PRAG1: variants seen among roughly 807,000 people sequenced by gnomAD.
The protein encoded by PRAG1 is PEAK1 related, kinase-activating pseudokinase 1.
In PRAG1, 110 loss-of-function variants were observed where a neutral mutation model predicts 95.6. That is an observed-to-expected ratio of 1.15 (90% CI 0.99 to 1.35). The LOEUF is 1.35. Ranked by LOEUF, PRAG1 falls within the 40% of genes most tolerant of loss-of-function variation. The probability of loss-of-function intolerance (pLI) is 0.00; values close to 1 mark genes in which losing one functional copy is unlikely to be tolerated. For missense variants in PRAG1, 2,554 were observed against 1,864.7 expected, an observed-to-expected ratio of 1.37 and a Z score of -6.81; for synonymous variants, 1,052 against 819.4, an observed-to-expected ratio of 1.28 and a Z score of -4.85.
At position 8,365,451 on chromosome 8, in the gene PRAG1, C is replaced by T. The variant is rs540618524; in HGVS notation, c.2162+10796G>A. ...CCACCTGACCGACATGGAGAAACCC[C>T]GTCTCTACTAAAAATACAAAAAATT... On this transcript the variant is annotated intron_variant, in intron 3 of 5. Coordinates refer to ENST00000615670, the MANE Select transcript of PRAG1 (RefSeq NM_001080826.3). 2.0e-3 allele frequency among the ~76,000 whole-genome samples: 295 copies of T among 151,220 alleles called. 1 individual carries two copies. Among genetic ancestry groups the T allele is most frequent in the Non-Finnish European group, 3.0e-3 (201 of 67,838 alleles).
At chr8:8,381,932 G>A in intron 1 of PRAG1, 98 bp from the exon 2 acceptor site, 1 of 543,836 alleles carries the variant, frequency 1.8e-6, no homozygotes. Context: ...GGAGAAGGAG[G>A]AGAAAAAGGT....
At chr8:8,325,380 T>A (rs558805303) in intron 5 of PRAG1, among the ~76,000 whole-genome samples, 1 of 152,204 alleles carries the variant, frequency 6.6e-6, no homozygotes, top group South Asian at 2.1e-4. Flanking sequence ...AGCTACCACG[T>A]CTCCAGGAAA....
In PRAG1 at chr8:8,351,621, G is replaced by T. The variant is rs189181661; in HGVS notation, c.2163-11986C>A. Among the ~76,000 whole-genome samples, 3 of 152,260 alleles carry T rather than the reference G, an allele frequency of 2.0e-5. No homozygotes were observed. In the East Asian group the frequency reaches 5.8e-4, roughly 29 times the overall value. On this transcript the variant is annotated intron_variant, in intron 3 of 5. Coordinates refer to ENST00000615670, the MANE Select transcript of PRAG1 (RefSeq NM_001080826.3). ...TTGTCCATTGACCAGACCTCATTTTGAATTTGTGTGTTCAAGAACTAGATA... is the reference window on the plus strand; with the variant it reads ...TTGTCCATTGACCAGACCTCATTTTTAATTTGTGTGTTCAAGAACTAGATA...
chr8:8,372,663 G>A (rs1408380128), intron 3 of PRAG1, among the ~76,000 whole-genome samples: 1 of 152,320 alleles, frequency 6.6e-6, no homozygotes, highest in Middle Eastern at 3.4e-3. Flanking sequence ...GGGCACTCCA[G>A]CAAGAGGTTT....
In PRAG1 at chr8:8,376,798, C is replaced by G. The variant is rs1403214873; in HGVS notation, c.1611G>C (p.Lys537Asn). 2 of 1,611,340 alleles carry G rather than the reference C, an allele frequency of 1.2e-6. No individual in the cohort carries two copies. The highest frequency in any genetic ancestry group is 3.3e-5 in the Admixed American group (2 of 60,008). Residue 537 changes from lysine (K) to asparagine (N), a missense_variant, in exon 3 of 6, where the codon AAG becomes AAC. Coordinates refer to ENST00000615670, the MANE Select transcript of PRAG1 (RefSeq NM_001080826.3). ...ESHAHSASES[K>N]PKERPAIPPK... ...GGGGAATGGCGGGCCTCTCCTTGGGCTTGCTCTCGCTGGCACTGTGAGCAT... is the reference window on the plus strand; with the variant it reads ...GGGGAATGGCGGGCCTCTCCTTGGGGTTGCTCTCGCTGGCACTGTGAGCAT...
chr8:8,374,672 A>C (rs1800320209), intron 3 of PRAG1: 1 of 985,424 alleles, frequency 1.0e-6, no homozygotes, highest in South Asian at 4.7e-5. Context: ...TCTCTCATTC[A>C]TTCGGGGACT....
rs1001362604 is a variant in PRAG1, at chr8:8,327,285, A to G, written c.3072+425T>C. Among the ~76,000 whole-genome samples the G allele has an allele frequency of 2.0e-5, 3 of 152,306 alleles. No individual in the cohort carries two copies. In the East Asian group the frequency reaches 5.8e-4, roughly 29 times the overall value. ...AGCACTAAGTGTTAAAAGAATGCTTAGGGGTCAGGGGTGGTGGCTCACACC... is the reference window on the plus strand; with the variant it reads ...AGCACTAAGTGTTAAAAGAATGCTTGGGGGTCAGGGGTGGTGGCTCACACC... On this transcript the variant is annotated intron_variant, in intron 5 of 5. Transcript: ENST00000615670.
chr8:8,357,374 A>T (rs1799715191), intron 3 of PRAG1, among the ~76,000 whole-genome samples: 2 of 152,212 alleles, frequency 1.3e-5, no homozygotes, highest in Non-Finnish European at 2.9e-5. Context: ...TGGTCAAAGA[A>T]CTTAAATTTG....
chr8:8,331,170 CCCATCCCAAGT>C (rs769130645), intron 4 of PRAG1, among the ~76,000 whole-genome samples: 1 of 152,168 alleles, frequency 6.6e-6, no homozygotes, highest in Non-Finnish European at 1.5e-5. Context: ...AGGATTCCTT[CCCATCCCAAGT>C]CCAGTCGGCT....
chr8:8,325,962 G>A (rs549932086), intron 5 of PRAG1, among the ~76,000 whole-genome samples: 1 of 150,814 alleles, frequency 6.6e-6, no homozygotes, highest in East Asian at 1.9e-4. Flanking sequence ...TGTCCCAAGG[G>A]CCCCTTACTT....
intron 3 of PRAG1, among the ~76,000 whole-genome samples, chr8:8,354,155 T>C (rs956651323): frequency 6.6e-6 from 1 of 152,004 alleles, no homozygotes; most frequent in Non-Finnish European, 1.5e-5. Flanking sequence ...TTATGAACAA[T>C]TATATGCCAA....
At chr8:8,350,165 C>G (rs1257366145) in intron 3 of PRAG1, among the ~76,000 whole-genome samples, 2 of 152,132 alleles carry the variant, frequency 1.3e-5, no homozygotes, top group Non-Finnish European at 2.9e-5. Flanking sequence ...GTGGCCCCAG[C>G]CTACACAGTT....
chr8:8,378,145 A>C, intron 2 of PRAG1, 67 bp from the exon 3 acceptor site: 1 of 1,482,728 alleles, frequency 6.7e-7, no homozygotes, highest in South Asian at 1.4e-5. Context: ...GAGAGAGGAA[A>C]AGTGAGAGGG....
At position 8,377,331 on chromosome 8, in the gene PRAG1, G is replaced by T. The variant is rs560567427; in HGVS notation, c.1078C>A (p.His360Asn). The change falls in exon 3 of 6, where the codon CAC becomes AAC. Residue 360 changes from histidine to asparagine, a missense_variant. Coordinates refer to ENST00000615670, the MANE Select transcript of PRAG1 (RefSeq NM_001080826.3). The stretch of plus-strand genomic sequence containing the variant: ...AGGGAGCAGTAATCACTCTCGAGGT[G>T]GGGGACGAAGGGGCTACTGGCGCCG... ...GSGASSPFVPHLESDYCSLMK... is the reference protein window; with the variant it reads ...GSGASSPFVPNLESDYCSLMK... 4 of 1,606,106 alleles carry T rather than the reference G, an allele frequency of 2.5e-6. No individual in the cohort carries two copies. Among genetic ancestry groups the T allele is most frequent in the East Asian group, 2.2e-5 (1 of 44,800 alleles).
At chr8:8,364,644 C>A (rs1238370221) in intron 3 of PRAG1, among the ~76,000 whole-genome samples, 5 of 151,180 alleles carry the variant, frequency 3.3e-5, no homozygotes, top group African/African-American at 1.2e-4. Context: ...CTATATGACA[C>A]TATATGGCAG....
chr8:8,383,133 T>C (rs1332956630), intron 1 of PRAG1, among the ~76,000 whole-genome samples: 1 of 152,196 alleles, frequency 6.6e-6, no homozygotes. Flanking sequence ...TCAACAGGAC[T>C]AACCAGGTGG....
chr8:8,371,351 C>T (rs987005473), intron 3 of PRAG1, among the ~76,000 whole-genome samples: 1 of 151,660 alleles, frequency 6.6e-6, no homozygotes, highest in African/African-American at 2.4e-5. Flanking sequence ...AGCTCCGCCT[C>T]CCGGGTTCAC....
At chr8:8,374,751 G>A (rs576531563) in intron 3 of PRAG1, 1 of 974,082 alleles carries the variant, frequency 1.0e-6, no homozygotes, top group South Asian at 4.8e-5. Context: ...ATGGTGGGCG[G>A]CCAGTGCAAT....
intron 3 of PRAG1, among the ~76,000 whole-genome samples, chr8:8,342,884 T>A (rs944094534): frequency 3.3e-5 from 5 of 152,082 alleles, no homozygotes; most frequent in East Asian, 1.9e-4. Context: ...AATAGCAATA[T>A]AAAGAAAAAG....
Sources: allele counts gnomAD v4.1 joint callset (sites outside exome capture counted in the v4.1 genomes callset), GRCh38; gene constraint gnomAD v4.1.1; transcripts MANE v1.5; gene names NCBI Gene and HGNC (gene_info 2026-07-23, HGNC 2026-07-21).